PTPRS: variants seen among roughly 807,000 people sequenced by gnomAD.
PTPRS encodes the protein protein tyrosine phosphatase receptor type S.
A neutral mutation model predicts 215.3 loss-of-function variants in PTPRS; 63 were observed. The observed-to-expected ratio is 0.29, with a 90% confidence interval of 0.24 to 0.36. The LOEUF is 0.36. PTPRS is among the 10% of genes least tolerant of loss of function. The pLI, the probability that PTPRS is intolerant of heterozygous loss-of-function variation, is 1.00. For synonymous variants in PTPRS, 1,404 were observed against 1,191.4 expected (o/e 1.18, Z -3.68); for missense variants, 2,258 against 2,825.8 (o/e 0.80, Z 4.56).
intron 1 of PTPRS, among the ~76,000 whole-genome samples, chr19:5,311,607 G>A (rs913251141): frequency 2.0e-5 from 3 of 152,158 alleles, no homozygotes; most frequent in Admixed American, 2.0e-4. Flanking sequence ...TATCTTGGGA[G>A]CAGCCAAGGA....
chr19:5,218,523 C>G lies in PTPRS; in HGVS notation c.3945G>C (p.Lys1315Asn). 1 of 1,614,114 alleles carries G rather than the reference C, an allele frequency of 6.2e-7. No homozygotes were observed. Residue 1315 changes from lysine to asparagine, a missense_variant, in exon 25 of 38, where the codon AAG (lysine) becomes AAC (asparagine). Physicochemically the swap from Lys to Asn is moderately conservative, Grantham distance 94. This residue lies in a region of PTPRS where 927 missense variants were observed against 1,125.9 expected (regional missense o/e 0.82). Coordinates refer to ENST00000262963, the MANE Select transcript of PTPRS (RefSeq NM_002850.4). ...GGCATTTGGTGCGGGGTTCTGAGTC[C>G]TTGCGTTTACTTTAGGAGAAGCAAG... ...LYKNKPDSKRKDSEPRTKCLL... is the reference protein window; with the variant it reads ...LYKNKPDSKRNDSEPRTKCLL...
chr19:5,245,146 ATT>A (rs74173042), intron 10 of PTPRS, among the ~76,000 whole-genome samples: 9 of 136,154 alleles, frequency 6.6e-5, no homozygotes, highest in Admixed American at 1.5e-4. Context: ...CGCCCAGCTA[ATT>A]TTTTTTTTTT....
rs1377011238 is a variant in PTPRS at position 5,212,138 on chromosome 19, G to A, written c.4882C>T (p.Arg1628Cys). The A allele has an allele frequency of 5.0e-6, 8 of 1,613,984 alleles. No homozygotes were observed. The highest frequency in any genetic ancestry group is 1.1e-5 in the South Asian group (1 of 91,094). Residue 1628 changes from arginine (R) to cysteine (C), a missense_variant, in exon 32 of 38, where the codon CGC (arginine) becomes TGC (cysteine). Arg to Cys is a radical substitution (Grantham distance 180, BLOSUM62 -3). Transcript: ENST00000262963. ...YGHVTLMRSQ[R>C]NYMVQTEDQY... ...TCCTCCGTCTGCACCATGTAGTTGC[G>A]CTGGGACCTCATGAGCGTCACGTGG...
At chr19:5,228,931 A>C (rs933165166) in intron 16 of PTPRS, among the ~76,000 whole-genome samples, 1 of 152,330 alleles carries the variant, frequency 6.6e-6, no homozygotes, top group Admixed American at 6.5e-5. Flanking sequence ...GAGTGACAGT[A>C]AAGGGTGGGG....
chr19:5,216,581 G>A (rs921164243), intron 26 of PTPRS, 139 bp downstream of exon 26: 3 of 735,394 alleles, frequency 4.1e-6, no homozygotes, highest in African/African-American at 3.6e-5. Flanking sequence ...CCTCTTCCAG[G>A]AGCCAGCACA....
intron 23 of PTPRS, 35 bp downstream of exon 23, chr19:5,219,275 C>G: frequency 6.2e-7 from 1 of 1,611,726 alleles, no homozygotes; most frequent in Non-Finnish European, 8.5e-7. Flanking sequence ...GCCCTCCCTG[C>G]TGTCAAGTCA....
chr19:5,225,863 G>T lies in PTPRS; in HGVS notation c.2377-19C>A. ...CCATCTCCTGCAGGCACGGCTGGGGGTCAGCACGACGGCTGGGGCTGGGAG... is the reference window on the plus strand; with the variant it reads ...CCATCTCCTGCAGGCACGGCTGGGGTTCAGCACGACGGCTGGGGCTGGGAG... On this transcript the variant is annotated intron_variant, in intron 16 of 37. Transcript: ENST00000262963. The T allele has an allele frequency of 6.2e-7, 1 of 1,603,706 alleles. No individual in the cohort carries two copies. Among genetic ancestry groups the T allele is most frequent in the Non-Finnish European group, 8.5e-7 (1 of 1,170,882 alleles).
intron 1 of PTPRS, among the ~76,000 whole-genome samples, chr19:5,290,730 G>A (rs994842942): frequency 2.0e-5 from 3 of 152,026 alleles, no homozygotes; most frequent in African/African-American, 7.2e-5. Context: ...GGCAGGAGAA[G>A]CTGAGGCTGA....
chr19:5,319,432 T>A (rs1338902626), intron 1 of PTPRS, among the ~76,000 whole-genome samples: 1 of 146,556 alleles, frequency 6.8e-6, no homozygotes, highest in African/African-American at 2.5e-5. Context: ...TTTTTTTTTT[T>A]TAAAAAGCTA....
chr19:5,277,091 G>C (rs1287125120), intron 2 of PTPRS, among the ~76,000 whole-genome samples: 2 of 137,566 alleles, frequency 1.5e-5, no homozygotes, highest in African/African-American at 5.5e-5. Context: ...ACTGAGTCTC[G>C]CTCTGTCGCC....
At chr19:5,214,804 C>G (rs2145144284) in intron 28 of PTPRS, 68 bp from the exon 29 acceptor site, 1 of 1,483,022 alleles carries the variant, frequency 6.7e-7, no homozygotes, top group South Asian at 1.3e-5. Context: ...GTGTGGCCAA[C>G]CACTTCCTGG....
intron 1 of PTPRS, among the ~76,000 whole-genome samples, chr19:5,302,678 G>A (rs1342884449): frequency 6.6e-6 from 1 of 152,086 alleles, no homozygotes; most frequent in Non-Finnish European, 1.5e-5. Context: ...GTCATTGCTG[G>A]TGTGTGCAGC....
At chr19:5,243,791 A>T in intron 11 of PTPRS, 110 bp downstream of exon 11, 1 of 1,001,522 alleles carries the variant, frequency 1.0e-6, no homozygotes, top group Non-Finnish European at 1.4e-6. Flanking sequence ...GCATGAAAAT[A>T]TCTTAAAGCA....
intron 1 of PTPRS, among the ~76,000 whole-genome samples, chr19:5,314,876 T>C (rs919984182): frequency 6.6e-6 from 1 of 152,292 alleles, no homozygotes; most frequent in South Asian, 2.1e-4. Context: ...CCTCTGACCC[T>C]TGGATCATTC....
At chr19:5,243,211 T>G (rs2044198076) in intron 11 of PTPRS, among the ~76,000 whole-genome samples, 3 of 151,616 alleles carry the variant, frequency 2.0e-5, no homozygotes, top group South Asian at 4.2e-4. Flanking sequence ...CTTGGCTCAT[T>G]GCAAACTCTG....
chr19:5,228,347 G>GGAA (rs755255407), intron 16 of PTPRS, among the ~76,000 whole-genome samples: 44 of 105,866 alleles, frequency 4.2e-4, no homozygotes, highest in African/African-American at 1.7e-3. Context: ...TCCGTCTGGA[G>GGAA]AAAAAAAAAA....
At chr19:5,273,681 C>T in intron 3 of PTPRS, 98 bp from the exon 4 acceptor site, 1 of 1,428,408 alleles carries the variant, frequency 7.0e-7, no homozygotes, top group Non-Finnish European at 9.6e-7. Context: ...GAATGGCAGT[C>T]AGCCCCATGA....
intron 13 of PTPRS, among the ~76,000 whole-genome samples, chr19:5,233,977 A>AAAAAAAAAAC (rs2038800597): frequency 3.0e-5 from 4 of 132,494 alleles, no homozygotes; most frequent in South Asian, 2.7e-4. Context: ...AAAAAAAAAA[A>AAAAAAAAAAC]TCTATATGTC....
intron 1 of PTPRS, among the ~76,000 whole-genome samples, chr19:5,325,414 C>T (rs907721346): frequency 6.6e-6 from 1 of 152,242 alleles, no homozygotes; most frequent in Non-Finnish European, 1.5e-5. Context: ...TGGGAGATCC[C>T]GCCACAATAT....
Sources: gnomAD v4.1 joint callset for allele counts (sites outside exome capture counted in the v4.1 genomes callset) on GRCh38, gnomAD v4.1.1 for gene constraint, gnomAD v4.1.1 regional missense constraint, MANE v1.5 for transcripts, NCBI Gene and HGNC (gene_info 2026-07-23, HGNC 2026-07-21) for gene names.